LRRD1: variants seen among roughly 807,000 people sequenced by gnomAD.
LRRD1 encodes the protein leucine-rich repeat and death domain-containing protein 1.
Under a neutral mutation model 69.5 loss-of-function variants are expected in LRRD1, and 49 were observed. The observed-to-expected ratio is 0.70, with a 90% CI of 0.56 to 0.89. LRRD1 has a LOEUF of 0.89. LRRD1 is among the 40% of genes least tolerant of loss of function. The pLI, the probability that LRRD1 is intolerant of heterozygous loss-of-function variation, is 0.00. For missense variants in LRRD1, 853 were observed against 956.0 expected (o/e 0.89, Z 1.42); for synonymous variants, 303 against 338.9 (o/e 0.89, Z 1.16).
intron 1 of LRRD1, among the ~76,000 whole-genome samples, chr7:92,177,431 A>G (rs2131031039): frequency 6.6e-6 from 1 of 152,234 alleles, no homozygotes; most frequent in East Asian, 1.9e-4. Flanking sequence ...CTTCTTCTTG[A>G]GAACATATGG....
Position 92,156,514 on chromosome 7 carries a change from T to C in LRRD1, c.2116+2491A>G, listed in dbSNP as rs147603099. Among the ~76,000 whole-genome samples, 424 of 152,342 alleles carry C rather than the reference T, an allele frequency of 2.8e-3. 2 individuals are homozygous for C. Among genetic ancestry groups the C allele is most frequent in the African/African-American group, 9.5e-3 (397 of 41,582 alleles). Reference sequence around the variant, plus strand: ...TACAGTTTTCAGCATATAGATCTTATATGTAATTTGTTAGATTTATTTATG... The same window carrying C: ...TACAGTTTTCAGCATATAGATCTTACATGTAATTTGTTAGATTTATTTATG... On this transcript the variant is annotated intron_variant, in intron 3 of 5. Coordinates refer to ENST00000458448, the MANE Select transcript of LRRD1 (RefSeq NM_001161528.2).
At chr7:92,148,954 G>A (rs567778624) in intron 4 of LRRD1, among the ~76,000 whole-genome samples, 2 of 152,162 alleles carry the variant, frequency 1.3e-5, no homozygotes, top group Admixed American at 6.5e-5. Flanking sequence ...TCACCATGTT[G>A]GCCAGGCTGC....
chr7:92,155,288 G>A (rs1788628954), intron 3 of LRRD1, among the ~76,000 whole-genome samples: 1 of 152,220 alleles, frequency 6.6e-6, no homozygotes, highest in Non-Finnish European at 1.5e-5. Context: ...CTGCTACTAA[G>A]TGACTGACAG....
At position 92,145,503 on chromosome 7, in the gene LRRD1, G is replaced by A. The variant is rs1365023803; in HGVS notation, c.2397-429C>T. Among the ~76,000 whole-genome samples, 10 of 144,480 alleles carry A rather than the reference G, an allele frequency of 6.9e-5. No homozygotes were observed. In the South Asian group the frequency reaches 1.7e-3, roughly 25 times the overall value. 94.8% of individuals were successfully genotyped at this position (144,480 alleles called of 152,430 possible). On this transcript the variant is annotated intron_variant, in intron 5 of 5. Transcript: ENST00000458448. ...CTCCCAGGCTGGAGTGCAGTAGCAC[G>A]ATCTCAACTCACTGCAAGCTCCGCC...
At chr7:92,143,896 T>C (rs1820243089), downstream of LRRD1, among the ~76,000 whole-genome samples, 1 of 152,222 alleles carries the variant, frequency 6.6e-6, no homozygotes, top group South Asian at 2.1e-4. Context: ...TCAAAATGGC[T>C]TTTCCTGGGT....
At chr7:92,167,867 ACT>A (rs148775044) in intron 1 of LRRD1, among the ~76,000 whole-genome samples, 2,851 of 106,838 alleles carry the variant, frequency 0.027, 125 homozygotes, top group African/African-American at 0.1. Context: ...ACACAGCGAG[ACT>A]CTGTCTCAAA....
chr7:92,174,509 A>ATTTTTTTTTT (rs35052440), intron 1 of LRRD1, among the ~76,000 whole-genome samples: 1 of 12,874 alleles, frequency 7.8e-5, no homozygotes, highest in Non-Finnish European at 1.6e-4. Context: ...ATATATATAT[A>ATTTTTTTTTT]TTTTTTTTTT....
At chr7:92,143,899 T>C (rs6465351), downstream of LRRD1, among the ~76,000 whole-genome samples, 86,396 of 152,164 alleles carry the variant, frequency 0.57, 25,830 homozygotes, top group African/African-American at 0.77. Context: ...AAATGGCTTT[T>C]CCTGGGTCAG....
chr7:92,146,504 C>T lies in LRRD1; in HGVS notation c.2279-304G>A, dbSNP rs916240720. 1.6e-4 allele frequency among the ~76,000 whole-genome samples: 24 copies of T among 151,936 alleles called. 1 individual carries two copies. The highest frequency in any genetic ancestry group is 5.9e-4 in the Admixed American group (9 of 15,222). On this transcript the variant is annotated intron_variant, in intron 4 of 5. Coordinates refer to ENST00000458448, the MANE Select transcript of LRRD1 (RefSeq NM_001161528.2). ...TGGTTGTGTGTTCCTGTAGTCCCAG[C>T]TACTCGGGAGGCTGAGGCAGGAGAC...
At chr7:92,175,234 T>C (rs1789166738) in intron 1 of LRRD1, among the ~76,000 whole-genome samples, 2 of 152,234 alleles carry the variant, frequency 1.3e-5, no homozygotes, top group Non-Finnish European at 2.9e-5. Context: ...TTTTTTGCCA[T>C]ATTTCAATTT....
Position 92,153,191 on chromosome 7 carries a change from A to C in LRRD1, c.2117-2496T>G, listed in dbSNP as rs1466811262. Among the ~76,000 whole-genome samples, 7 of 152,032 alleles carry C rather than the reference A, an allele frequency of 4.6e-5. No homozygotes were observed. The South Asian group carries it at 1.0e-3, about 23-fold the overall frequency. On this transcript the variant is annotated intron_variant, in intron 3 of 5. Transcript: ENST00000458448. ...GCAATTCTTGTGCCTCAGCCTCCCG[A>C]GTAGCTGGGACCATAGGCACAAGCC...
chr7:92,151,949 CAA>C (rs561382791), intron 3 of LRRD1, among the ~76,000 whole-genome samples: 22 of 82,932 alleles, frequency 2.7e-4, no homozygotes, highest in Non-Finnish European at 2.3e-4. Context: ...AACTCCATCT[CAA>C]AAAAAAAAAA....
chr7:92,163,959 T>C lies in LRRD1; in HGVS notation c.1244A>G (p.His415Arg), dbSNP rs1788845799. 1 of 1,536,110 alleles carries C rather than the reference T, an allele frequency of 6.5e-7. No individual in the cohort carries two copies. Among genetic ancestry groups the C allele is most frequent in the South Asian group, 1.2e-5 (1 of 81,694 alleles). ...NKLTELPKYI[H>R]KLNNLRKLHV... ...GAGTTTTCTTAAATTGTTAAGCTTA[T>C]GGATGTACTTAGGGAGTTCTGTTAA... The change falls in exon 2 of 6, where the codon CAT becomes CGT. Residue 415 changes from histidine to arginine, a missense_variant. His to Arg is a conservative substitution (Grantham distance 29, BLOSUM62 0). Coordinates refer to ENST00000458448, the MANE Select transcript of LRRD1 (RefSeq NM_001161528.2).
Position 92,159,030 on chromosome 7 carries a change from A to G in LRRD1, c.2091T>C (p.Asn697=). Residue 697 remains asparagine, a synonymous_variant, in exon 3 of 6, where the codon AAT becomes AAC. Transcript: ENST00000458448. The part of the protein sequence containing the change: ...SYLPPSLLSL[N]DLQQLNLSGN... Reference sequence around the variant, plus strand: ...CACTCAGGTTTAGTTGCTGCAGATCATTTAAAGATAGCAAAGATGGTGGAA... The same window carrying G: ...CACTCAGGTTTAGTTGCTGCAGATCGTTTAAAGATAGCAAAGATGGTGGAA... 4 of 1,546,616 alleles carry G rather than the reference A, an allele frequency of 2.6e-6. No homozygotes were observed. In the South Asian group the frequency reaches 4.8e-5, roughly 19 times the overall value.
Position 92,157,164 on chromosome 7 carries a change from G to A in LRRD1, c.2116+1841C>T, listed in dbSNP as rs558411412. Among the ~76,000 whole-genome samples the A allele has an allele frequency of 2.4e-4, 36 of 151,314 alleles. 1 individual carries two copies. In the South Asian group the frequency reaches 7.3e-3, roughly 31 times the overall value. Reference sequence around the variant, plus strand: ...TCCTGCCTATGTCTCCCAAGTAGCTGGGATTACAAGCATAAACCACCACAT... The same window carrying A: ...TCCTGCCTATGTCTCCCAAGTAGCTAGGATTACAAGCATAAACCACCACAT... On this transcript the variant is annotated intron_variant, in intron 3 of 5. Coordinates refer to ENST00000458448, the MANE Select transcript of LRRD1 (RefSeq NM_001161528.2).
At chr7:92,174,235 G>A (rs1789115907) in intron 1 of LRRD1, among the ~76,000 whole-genome samples, 1 of 151,598 alleles carries the variant, frequency 6.6e-6, no homozygotes. Context: ...TTTGATAGAC[G>A]AAATAAGGCC....
chr7:92,162,896 TGCCCGTAGTTATAATA>T (rs1192750750), intron 2 of LRRD1, among the ~76,000 whole-genome samples: 1 of 152,204 alleles, frequency 6.6e-6, no homozygotes, highest in African/African-American at 2.4e-5. Flanking sequence ...TGTCAACGTA[TGCCCGTAGTTATAATA>T]CAATGATATG....
chr7:92,171,140 G>T (rs753240388), intron 1 of LRRD1, among the ~76,000 whole-genome samples: 3 of 151,376 alleles, frequency 2.0e-5, no homozygotes, highest in Non-Finnish European at 1.5e-5. Flanking sequence ...AAATAGAAAA[G>T]GAAGAACAAA....
intron 3 of LRRD1, among the ~76,000 whole-genome samples, chr7:92,157,390 A>G (rs1361006837): frequency 6.6e-6 from 1 of 152,100 alleles, no homozygotes; most frequent in Non-Finnish European, 1.5e-5. Context: ...GGAATTTTGC[A>G]TCGATGTTCA....
Sources: gnomAD v4.1 joint callset for allele counts (sites outside exome capture counted in the v4.1 genomes callset) on GRCh38, gnomAD v4.1.1 for gene constraint, MANE v1.5 for transcripts, NCBI Gene and HGNC (gene_info 2026-07-23, HGNC 2026-07-21) for gene names.